Variants in DAG1 observed in about 807,000 individuals in gnomAD.
DAG1 encodes the protein dystroglycan 1, also known as dystroglycan 1 (dystrophin-associated glycoprotein 1).
Under a neutral mutation model 46.1 loss-of-function variants are expected in DAG1, and 8 were observed. The ratio of observed to expected loss-of-function variants is 0.17; its 90% CI spans 0.10 to 0.31. DAG1 has a LOEUF of 0.31. Among genes scored for constraint, DAG1 ranks in the 10% least tolerant of loss-of-function variants. DAG1 has a pLI of 1.00. For missense variants in DAG1, 1,003 were observed against 1,189.9 expected, an observed-to-expected ratio of 0.84 and a Z score of 2.31; for synonymous variants, 495 against 481.8, an observed-to-expected ratio of 1.03 and a Z score of -0.36.
chr3:49,483,318 C>T (rs1370649146), intron 1 of DAG1, among the ~76,000 whole-genome samples: 1 of 151,842 alleles, frequency 6.6e-6, no homozygotes, highest in East Asian at 1.9e-4. Context: ...ATTCTCCTGC[C>T]ACAGCCTCCC....
At chr3:49,486,186 T>TTTA (rs551391591) in intron 1 of DAG1, among the ~76,000 whole-genome samples, 2 of 145,214 alleles carry the variant, frequency 1.4e-5, no homozygotes, top group African/African-American at 2.5e-5. Flanking sequence ...TTTCTTTTTC[T>TTTA]TTTATTTATT....
intron 2 of DAG1, among the ~76,000 whole-genome samples, chr3:49,524,485 G>A (rs1393716248): frequency 2.6e-5 from 4 of 151,966 alleles, no homozygotes; most frequent in African/African-American, 9.7e-5. Flanking sequence ...AGACCAATCT[G>A]GACAACATAG....
chr3:49,505,143 G>C (rs1289881988), intron 1 of DAG1, among the ~76,000 whole-genome samples: 1 of 151,834 alleles, frequency 6.6e-6, no homozygotes, highest in African/African-American at 2.4e-5. Flanking sequence ...CACCACACTT[G>C]GCTAATTTTT....
chr3:49,501,711 G>T (rs1199661106), intron 1 of DAG1, among the ~76,000 whole-genome samples: 1 of 151,922 alleles, frequency 6.6e-6, no homozygotes, highest in Admixed American at 6.6e-5. Context: ...TACTTGGGAG[G>T]CTGAGGCAGG....
intron 1 of DAG1, among the ~76,000 whole-genome samples, chr3:49,475,585 T>C (rs780407008): frequency 5.3e-5 from 8 of 151,802 alleles, no homozygotes; most frequent in Non-Finnish European, 1.0e-4. Context: ...TTTCTATAAA[T>C]AGGAATTTAG....
chr3:49,503,481 CT>C (rs2050512892), intron 1 of DAG1, among the ~76,000 whole-genome samples: 1 of 152,144 alleles, frequency 6.6e-6, no homozygotes, highest in Non-Finnish European at 1.5e-5. Context: ...ATTGAAAAAG[CT>C]TTTTCCCAGC....
intron 1 of DAG1, among the ~76,000 whole-genome samples, chr3:49,505,502 C>A (rs997104704): frequency 1.3e-5 from 2 of 152,078 alleles, no homozygotes; most frequent in African/African-American, 4.8e-5. Context: ...TATAGAAATA[C>A]AATTGATTTT....
In DAG1 at chr3:49,504,864, G is replaced by A. The variant is rs1441106888; in HGVS notation, c.-116-5555G>A. The stretch of plus-strand genomic sequence containing the variant: ...CTGACCTCGTGATCCACCCGCCTCG[G>A]CCTCCCAAAGTGCTGGGATTACAGG... On this transcript the variant is annotated intron_variant, in intron 1 of 2. Coordinates refer to ENST00000308775, the MANE Select transcript of DAG1 (RefSeq NM_004393.6). Among the ~76,000 whole-genome samples the A allele has an allele frequency of 2.0e-5, 3 of 147,396 alleles. No homozygotes were observed. The Admixed American group carries it at 2.1e-4, about 10-fold the overall frequency.
intron 1 of DAG1, among the ~76,000 whole-genome samples, chr3:49,503,820 C>T (rs1482687520): frequency 7.2e-6 from 1 of 139,758 alleles, no homozygotes; most frequent in Non-Finnish European, 1.5e-5. Flanking sequence ...AGAGTGAGAC[C>T]CTGTCTCAAA....
intron 1 of DAG1, among the ~76,000 whole-genome samples, chr3:49,506,731 C>T (rs767656698): frequency 6.6e-6 from 1 of 151,948 alleles, no homozygotes; most frequent in African/African-American, 2.4e-5. Context: ...TAAAGACTTT[C>T]GTGTCTGTTT....
chr3:49,522,494 C>T (rs1170347945), intron 2 of DAG1, among the ~76,000 whole-genome samples: 3 of 118,018 alleles, frequency 2.5e-5, no homozygotes, highest in East Asian at 2.9e-4. Context: ...TTTTTTAAGA[C>T]TGCATCATGG....
intron 2 of DAG1, among the ~76,000 whole-genome samples, chr3:49,524,319 C>A (rs182631660): frequency 1.3e-5 from 2 of 152,296 alleles, no homozygotes; most frequent in Admixed American, 6.5e-5. Flanking sequence ...GCCAGTGTGC[C>A]TGTGACTTGG....
intron 2 of DAG1, among the ~76,000 whole-genome samples, chr3:49,514,376 T>C (rs1201544230): frequency 1.3e-5 from 2 of 152,362 alleles, no homozygotes; most frequent in East Asian, 3.9e-4. Context: ...TGAAGTCCTC[T>C]ACCGTTTTCT....
intron 1 of DAG1, among the ~76,000 whole-genome samples, chr3:49,477,216 C>T (rs749418281): frequency 2.0e-5 from 3 of 152,018 alleles, no homozygotes; most frequent in Non-Finnish European, 1.5e-5. Context: ...GGGCTGGTCT[C>T]GAACTCCCGA....
At chr3:49,505,443 A>G (rs2050578379) in intron 1 of DAG1, among the ~76,000 whole-genome samples, 1 of 152,122 alleles carries the variant, frequency 6.6e-6, no homozygotes, top group Non-Finnish European at 1.5e-5. Flanking sequence ...TTTTTTGAAT[A>G]GTTTAAATGA....
Position 49,531,823 on chromosome 3 carries a change from T to C in DAG1, c.1312T>C (p.Ser438Pro). The change falls in exon 3 of 3, where the codon TCA becomes CCA. Residue 438 changes from serine (S) to proline (P), a missense_variant. Ser to Pro is a moderately conservative substitution (Grantham distance 74, BLOSUM62 -1). Coordinates refer to ENST00000308775, the MANE Select transcript of DAG1 (RefSeq NM_004393.6). This position sits in a 1 kb window ranked among gnomAD's most constrained non-coding sequence, Gnocchi z 7.0. ...RVSTPKPATPSTDSTTTTTRR... is the reference protein window; with the variant it reads ...RVSTPKPATPPTDSTTTTTRR... Reference sequence around the variant, plus strand: ...ATCCACACCAAAACCAGCAACGCCTTCAACTGACTCCACCACCACCACGAC... The same window carrying C: ...ATCCACACCAAAACCAGCAACGCCTCCAACTGACTCCACCACCACCACGAC... 1 of 1,610,696 alleles carries C rather than the reference T, an allele frequency of 6.2e-7. No homozygotes were observed. Among genetic ancestry groups the C allele is most frequent in the South Asian group, 1.1e-5 (1 of 90,902 alleles).
At position 49,510,614 on chromosome 3, in the gene DAG1, C is replaced by G. The variant is rs752128921; in HGVS notation, c.80C>G (p.Ala27Gly). Reference protein sequence around the residue: ...TFLLLLSVVMAQSHWPSEPSE... With the variant: ...TFLLLLSVVMGQSHWPSEPSE... ...CTCCTCCTGCTCTCTGTGGTTATGG[C>G]TCAGTCCCACTGGCCCAGTGAACCC... The change falls in exon 2 of 3, where the codon GCT (alanine) becomes GGT (glycine). Residue 27 changes from alanine (A) to glycine (G), a missense_variant. Ala to Gly is a moderately conservative substitution (Grantham distance 60). Around this residue, in one of 3 missense-constraint regions of DAG1, gnomAD observed 196 missense variants for 239.1 expected, o/e 0.82. Coordinates refer to ENST00000308775, the MANE Select transcript of DAG1 (RefSeq NM_004393.6). 20 of 1,614,114 alleles carry G rather than the reference C, an allele frequency of 1.2e-5. No individual in the cohort carries two copies. In the East Asian group the frequency reaches 3.6e-4, roughly 29 times the overall value.
intron 1 of DAG1, among the ~76,000 whole-genome samples, chr3:49,486,624 T>C (rs2050036088): frequency 6.6e-6 from 1 of 152,080 alleles, no homozygotes; most frequent in African/African-American, 2.4e-5. Flanking sequence ...TAACTCAGCC[T>C]CCCAAGTAGC....
At chr3:49,491,250 TC>T (rs1176967646) in intron 1 of DAG1, among the ~76,000 whole-genome samples, 1 of 151,470 alleles carries the variant, frequency 6.6e-6, no homozygotes, top group Non-Finnish European at 1.5e-5. Context: ...GTTTAAGTGA[TC>T]CTCCTGCCTC....
Sources: gnomAD v4.1 joint callset for allele counts (sites outside exome capture counted in the v4.1 genomes callset) on GRCh38, gnomAD v4.1.1 for gene constraint, gnomAD v4.1.1 regional missense constraint, Gnocchi (gnomAD v3.1) non-coding constraint, MANE v1.5 for transcripts, NCBI Gene and HGNC (gene_info 2026-07-23, HGNC 2026-07-21) for gene names.